The following NRG1 variants were observed in gnomAD, a reference collection of about 807,000 sequenced individuals.
The protein encoded by NRG1 is neuregulin 1.
In NRG1, 18 loss-of-function variants were observed where a neutral mutation model predicts 63.8. The observed-to-expected ratio is 0.28, with a 90% CI of 0.19 to 0.42. The LOEUF is 0.42. NRG1 is among the 10% of genes least tolerant of loss of function. The pLI, the probability that NRG1 is intolerant of heterozygous loss-of-function variation, is 1.00. For synonymous variants in NRG1, 302 were observed against 301.3 expected (o/e 1.00, Z -0.02); for missense variants, 762 against 814.7 (o/e 0.94, Z 0.79).
chr8:32,588,529 G>A (rs1457146879), intron 1 of NRG1, among the ~76,000 whole-genome samples: 1 of 152,204 alleles, frequency 6.6e-6, no homozygotes, highest in Non-Finnish European at 1.5e-5. Context: ...ACTGTGATGA[G>A]TGTTAGCATA....
downstream of NRG1, among the ~76,000 whole-genome samples, chr8:32,769,779 T>C (rs1343986589): frequency 1.3e-5 from 2 of 152,134 alleles, no homozygotes; most frequent in Admixed American, 1.3e-4. Flanking sequence ...AGGTTGGTGT[T>C]GAATAGGGTG....
intron 1 of NRG1, among the ~76,000 whole-genome samples, chr8:32,068,665 A>G (rs1413887009): frequency 6.6e-6 from 1 of 152,168 alleles, no homozygotes; most frequent in Non-Finnish European, 1.5e-5. Flanking sequence ...TCCTCTACAA[A>G]AACCTGACAG....
chr8:32,285,499 C>G (rs17630671), intron 1 of NRG1, among the ~76,000 whole-genome samples: 8,168 of 152,300 alleles, frequency 0.054, 260 homozygotes, highest in South Asian at 0.07. Context: ...GCAGCTATTG[C>G]TGGTAGACCA....
chr8:32,111,687 G>A (rs1474529977), intron 1 of NRG1, among the ~76,000 whole-genome samples: 1 of 152,104 alleles, frequency 6.6e-6, no homozygotes, highest in African/African-American at 2.4e-5. Context: ...TCAGTATTTT[G>A]CCTAGTAAAC....
At chr8:32,115,556 G>A (rs1026294990) in intron 1 of NRG1, among the ~76,000 whole-genome samples, 13 of 152,124 alleles carry the variant, frequency 8.5e-5, no homozygotes, top group African/African-American at 3.1e-4. Flanking sequence ...AGCTGAGGAG[G>A]AGGAGGAAGG....
At chr8:31,851,670 C>T (rs1827235679) in intron 1 of NRG1, among the ~76,000 whole-genome samples, 1 of 151,752 alleles carries the variant, frequency 6.6e-6, no homozygotes, top group African/African-American at 2.4e-5. Context: ...AGGTTAGTTA[C>T]ATATGTATAC....
intron 1 of NRG1, among the ~76,000 whole-genome samples, chr8:32,130,262 T>C (rs1834634658): frequency 6.6e-6 from 1 of 151,846 alleles, no homozygotes; most frequent in Non-Finnish European, 1.5e-5. Flanking sequence ...CAAAGCTACA[T>C]GAAAAAAAGC....
At chr8:32,274,873 C>T (rs1320462912) in intron 1 of NRG1, among the ~76,000 whole-genome samples, 2 of 152,038 alleles carry the variant, frequency 1.3e-5, no homozygotes, top group Non-Finnish European at 2.9e-5. Context: ...AAAAAAAATC[C>T]CATGCATTTT....
chr8:32,771,161 A>G (rs1831758067), downstream of NRG1, among the ~76,000 whole-genome samples: 1 of 151,544 alleles, frequency 6.6e-6, no homozygotes, highest in African/African-American at 2.4e-5. Flanking sequence ...CCCAGACTGG[A>G]GTGCAATGGT....
intron 1 of NRG1, among the ~76,000 whole-genome samples, chr8:32,578,492 A>G (rs1336169841): frequency 4.0e-5 from 6 of 151,314 alleles, no homozygotes; most frequent in Non-Finnish European, 1.5e-5. Context: ...TGTCACTAAC[A>G]TGATAAAATT....
intron 1 of NRG1, among the ~76,000 whole-genome samples, chr8:32,022,778 T>C (rs1449881858): frequency 3.9e-5 from 6 of 152,308 alleles, no homozygotes; most frequent in African/African-American, 1.4e-4. Context: ...AATCATTTCA[T>C]GTATGAAATG....
chr8:32,711,906 A>G (rs901994350), intron 5 of NRG1, among the ~76,000 whole-genome samples: 4 of 152,172 alleles, frequency 2.6e-5, no homozygotes, highest in Non-Finnish European at 4.4e-5. Context: ...TTATTTCTTC[A>G]ATAATAAGAA....
intron 1 of NRG1, among the ~76,000 whole-genome samples, chr8:32,584,980 A>T (rs1841354217): frequency 6.6e-6 from 1 of 152,236 alleles, no homozygotes; most frequent in Non-Finnish European, 1.5e-5. Flanking sequence ...AATTAAATGT[A>T]ATTCAACTTG....
intron 1 of NRG1, among the ~76,000 whole-genome samples, chr8:31,696,909 C>T (rs941529831): frequency 2.6e-5 from 4 of 152,120 alleles, no homozygotes; most frequent in African/African-American, 9.7e-5. Flanking sequence ...ATATATGCTA[C>T]ACTTATCAAT....
chr8:32,284,477 CCCTG>C (rs202212855), intron 1 of NRG1, among the ~76,000 whole-genome samples: 100 of 141,322 alleles, frequency 7.1e-4, no homozygotes, highest in East Asian at 2.6e-3. Flanking sequence ...ATGCTTGCCT[CCCTG>C]CCTGCCTGCC....
At chr8:32,559,245 TAA>T (rs545838945) in intron 1 of NRG1, among the ~76,000 whole-genome samples, 18 of 96,736 alleles carry the variant, frequency 1.9e-4, no homozygotes, top group South Asian at 4.8e-4. Context: ...CTCTAAAATG[TAA>T]AAAAAAAAAA....
chr8:32,724,852 A>C (rs535242215), intron 5 of NRG1, among the ~76,000 whole-genome samples: 1 of 152,282 alleles, frequency 6.6e-6, no homozygotes, highest in African/African-American at 2.4e-5. Context: ...TCCAAGAATC[A>C]TTTTGCTATG....
At chr8:32,018,967 A>G (rs1203074052) in intron 1 of NRG1, among the ~76,000 whole-genome samples, 1 of 152,224 alleles carries the variant, frequency 6.6e-6, no homozygotes, top group Admixed American at 6.5e-5. Flanking sequence ...TAATTTGCAT[A>G]TTCTTGATGA....
chr8:32,607,749 C>T (rs758144767), intron 3 of NRG1, among the ~76,000 whole-genome samples: 13 of 151,996 alleles, frequency 8.6e-5, no homozygotes, highest in Non-Finnish European at 1.8e-4. Flanking sequence ...AGATGAAACT[C>T]GAGGTGTTTT....
Sources: allele counts gnomAD v4.1 joint callset (sites outside exome capture counted in the v4.1 genomes callset), GRCh38; gene constraint gnomAD v4.1.1; transcripts MANE v1.5; gene names NCBI Gene and HGNC (gene_info 2026-07-23, HGNC 2026-07-21).